VWC2: variants seen among roughly 807,000 people sequenced by gnomAD.
VWC2 encodes von Willebrand factor C domain containing 2.
A neutral mutation model predicts 29.8 loss-of-function variants in VWC2; 14 were observed. The ratio of observed to expected loss-of-function variants is 0.47; its 90% confidence interval spans 0.31 to 0.74. The LOEUF (loss-of-function observed/expected upper bound fraction) is 0.74. Among genes scored for constraint, VWC2 ranks in the 30% least tolerant of loss-of-function variants. The pLI, the probability that VWC2 is intolerant of heterozygous loss-of-function variation, is 0.05. For synonymous variants in VWC2, 213 were observed against 199.0 expected (o/e 1.07, Z -0.59); for missense variants, 457 against 459.8 (o/e 0.99, Z 0.05).
At chr7:49,892,579 T>G (rs1310389483) in intron 3 of VWC2, among the ~76,000 whole-genome samples, 1 of 152,196 alleles carries the variant, frequency 6.6e-6, no homozygotes, top group Non-Finnish European at 1.5e-5. Flanking sequence ...GGTCATGTTC[T>G]GTTTCTTGAT....
rs1334416528 is a variant in VWC2, at chr7:49,914,865, G to A, written c.*2680G>A. On this transcript the variant is annotated 3_prime_UTR_variant, in exon 4 of 4. Transcript: ENST00000340652. ...CAGAAAAGGGGGCCTCAGAATTCAA[G>A]TATAGAAGTTCTGGAAAAGCCATAA... 2 of 152,184 alleles carry A rather than the reference G, an allele frequency of 1.3e-5. No homozygotes were observed. Among genetic ancestry groups the A allele is most frequent in the Non-Finnish European group, 2.9e-5 (2 of 68,022 alleles). The allele number at this position is 152,184 out of a possible 1,614,324, so 9.4% of individuals were successfully genotyped here. A position where few individuals can be genotyped will look rare whatever the true frequency, so the allele number is the denominator to read the frequency against.
intron 3 of VWC2, among the ~76,000 whole-genome samples, chr7:49,865,991 C>G (rs911695905): frequency 6.6e-6 from 1 of 152,216 alleles, no homozygotes; most frequent in African/African-American, 2.4e-5. Context: ...AAGACTTTTA[C>G]AGCCATACCT....
At chr7:49,834,412 A>T (rs1789610489) in intron 3 of VWC2, among the ~76,000 whole-genome samples, 1 of 152,214 alleles carries the variant, frequency 6.6e-6, no homozygotes, top group South Asian at 2.1e-4. Context: ...TGGAAACAAG[A>T]TACAAAACTA....
chr7:49,840,215 A>G (rs1259371742), intron 3 of VWC2, among the ~76,000 whole-genome samples: 1 of 152,212 alleles, frequency 6.6e-6, no homozygotes, highest in Non-Finnish European at 1.5e-5. Context: ...AGATGAACAA[A>G]TATGTTTCTT....
chr7:49,830,460 C>T (rs1273241393), intron 3 of VWC2, among the ~76,000 whole-genome samples: 1 of 152,144 alleles, frequency 6.6e-6, no homozygotes, highest in Non-Finnish European at 1.5e-5. Flanking sequence ...TTCCTGTCCA[C>T]AGTCTGATGG....
intron 3 of VWC2, among the ~76,000 whole-genome samples, chr7:49,904,087 G>A (rs1460842432): frequency 6.6e-6 from 1 of 152,200 alleles, no homozygotes; most frequent in Non-Finnish European, 1.5e-5. Flanking sequence ...ATGGCTGGCA[G>A]AGAAGGGAAG....
chr7:49,783,560 C>T (rs1339313694), intron 2 of VWC2, among the ~76,000 whole-genome samples: 1 of 152,200 alleles, frequency 6.6e-6, no homozygotes, highest in African/African-American at 2.4e-5. Context: ...ATCCTTCTTA[C>T]TGCTTGTCTG....
chr7:49,849,272 G>A (rs1419870406), intron 3 of VWC2, among the ~76,000 whole-genome samples: 1 of 152,186 alleles, frequency 6.6e-6, no homozygotes, highest in Non-Finnish European at 1.5e-5. Flanking sequence ...TCCCCGAGGA[G>A]AGAGAGAGAA....
intron 3 of VWC2, among the ~76,000 whole-genome samples, chr7:49,857,218 C>T (rs916504526): frequency 2.6e-5 from 4 of 152,102 alleles, no homozygotes; most frequent in African/African-American, 9.7e-5. Flanking sequence ...AACCACCATT[C>T]TGGTTCAGCT....
chr7:49,785,193 T>C (rs189534702), intron 2 of VWC2, among the ~76,000 whole-genome samples: 95 of 151,984 alleles, frequency 6.3e-4, no homozygotes, highest in African/African-American at 2.3e-3. Flanking sequence ...CTAGATGCAG[T>C]TTAAGATATA....
chr7:49,906,845 G>A (rs779359564), intron 3 of VWC2, among the ~76,000 whole-genome samples: 53 of 152,166 alleles, frequency 3.5e-4, no homozygotes, highest in Non-Finnish European at 6.8e-4. Flanking sequence ...TGATGTTTTC[G>A]TTGGTTTTTG....
intron 2 of VWC2, among the ~76,000 whole-genome samples, chr7:49,790,033 A>T (rs956086560): frequency 3.9e-5 from 6 of 152,210 alleles, no homozygotes; most frequent in Non-Finnish European, 2.9e-5. Context: ...ACTGCCCATC[A>T]GGTCTGAACC....
intron 3 of VWC2, among the ~76,000 whole-genome samples, chr7:49,813,306 T>G (rs192646636): frequency 6.6e-6 from 1 of 152,366 alleles, no homozygotes; most frequent in East Asian, 1.9e-4. Flanking sequence ...GGACCAGTGA[T>G]TCCCAAAGCC....
At chr7:49,807,077 A>C (rs547229985) in intron 3 of VWC2, among the ~76,000 whole-genome samples, 5 of 152,336 alleles carry the variant, frequency 3.3e-5, no homozygotes, top group African/African-American at 1.2e-4. Flanking sequence ...TTTTGGAAGT[A>C]AATCTAACAA....
At chr7:49,870,244 C>A (rs1030089332) in intron 3 of VWC2, among the ~76,000 whole-genome samples, 2 of 152,048 alleles carry the variant, frequency 1.3e-5, no homozygotes, top group African/African-American at 4.8e-5. Flanking sequence ...ACTAAAAATA[C>A]AAAAAATTAG....
At chr7:49,800,432 T>C (rs1788711369) in intron 2 of VWC2, among the ~76,000 whole-genome samples, 1 of 152,178 alleles carries the variant, frequency 6.6e-6, no homozygotes, top group African/African-American at 2.4e-5. Context: ...ATTCCCTCCC[T>C]GGTGTATGCC....
chr7:49,887,011 T>C (rs1179222922), intron 3 of VWC2, among the ~76,000 whole-genome samples: 1 of 152,198 alleles, frequency 6.6e-6, no homozygotes, highest in African/African-American at 2.4e-5. Context: ...TCAAGGCAAA[T>C]TTTAAGTACT....
intron 3 of VWC2, among the ~76,000 whole-genome samples, chr7:49,910,308 G>C (rs1583818261): frequency 6.6e-6 from 1 of 152,172 alleles, no homozygotes. Flanking sequence ...TCTGGAGTTT[G>C]CTGGATTAAT....
At chr7:49,806,793 C>T (rs1356371255) in intron 3 of VWC2, among the ~76,000 whole-genome samples, 1 of 151,838 alleles carries the variant, frequency 6.6e-6, no homozygotes, top group Non-Finnish European at 1.5e-5. Context: ...CAAAGAAAAG[C>T]CTGCTCCTAT....
Sources: gnomAD v4.1 joint callset for allele counts (sites outside exome capture counted in the v4.1 genomes callset) on GRCh38, gnomAD v4.1.1 for gene constraint, MANE v1.5 for transcripts, NCBI Gene and HGNC (gene_info 2026-07-23, HGNC 2026-07-21) for gene names.